PARP2: variants seen among roughly 807,000 people sequenced by gnomAD.
The protein encoded by PARP2 is poly [ADP-ribose] polymerase 2.
A neutral mutation model predicts 77.8 loss-of-function variants in PARP2; 57 were observed. The observed-to-expected ratio is 0.73, with a 90% confidence interval of 0.59 to 0.91. The LOEUF (loss-of-function observed/expected upper bound fraction) is 0.91, where lower values mean the gene tolerates loss of function less well. Ranked by LOEUF, PARP2 falls within the 40% of genes least tolerant of loss-of-function variation. The pLI is 0.00. For synonymous variants in PARP2, 226 were observed against 242.6 expected (o/e 0.93, Z 0.64); for missense variants, 651 against 689.0 (o/e 0.94, Z 0.62).
intron 4 of PARP2, among the ~76,000 whole-genome samples, chr14:20,347,559 G>A (rs537132352): frequency 1.7e-4 from 25 of 149,152 alleles, no homozygotes; most frequent in African/African-American, 6.2e-4. Context: ...GGGACTACAG[G>A]TGCAGTGTCT....
rs1441904625 is a variant in PARP2 at position 20,357,777 on chromosome 14, A to G, written c.1693A>G (p.Asn565Asp). Reference protein sequence around the residue: ...RMRYLLKVQFNFLQLW With the variant: ...RMRYLLKVQFDFLQLW ...GCGGTACCTTTTAAAGGTTCAGTTTAATTTCCTTCAGCTGTGGTGAATGTT... is the reference window on the plus strand; with the variant it reads ...GCGGTACCTTTTAAAGGTTCAGTTTGATTTCCTTCAGCTGTGGTGAATGTT... Residue 565 changes from asparagine to aspartate, a missense_variant, in exon 16 of 16, where the codon AAT becomes GAT. By Grantham distance (23) the Asn-to-Asp change is conservative. Transcript: ENST00000429687. 5.0e-6 allele frequency: 8 copies of G among 1,612,696 alleles called. No individual in the cohort carries two copies. Among genetic ancestry groups the G allele is most frequent in the Non-Finnish European group, 5.9e-6 (7 of 1,179,642 alleles).
chr14:20,349,887 T>C (rs752800013), intron 4 of PARP2, among the ~76,000 whole-genome samples: 2 of 152,176 alleles, frequency 1.3e-5, no homozygotes, highest in Non-Finnish European at 2.9e-5. Context: ...GACTTCTCTC[T>C]CTTCACTCTG....
intron 8 of PARP2, chr14:20,354,500 C>A (rs765181891): frequency 1.9e-6 from 1 of 528,760 alleles, no homozygotes; most frequent in Non-Finnish European, 3.3e-6. Flanking sequence ...AGTTTGAAAC[C>A]AGCCTGGGCA....
In PARP2 at chr14:20,354,277, C is replaced by G. The variant is rs139534508; in HGVS notation, c.763+30C>G. The G allele has an allele frequency of 1.7e-4, 261 of 1,554,598 alleles. 2 individuals carry two copies. In the East Asian group the frequency reaches 4.1e-3, roughly 24 times the overall value. On this transcript the variant is annotated intron_variant, in intron 8 of 15. Transcript: ENST00000429687. ...GACTTCACATTTTCTTCTGCATTCTCTCCTTATAATTCCTAGCTCCTTTAA... is the reference window on the plus strand; with the variant it reads ...GACTTCACATTTTCTTCTGCATTCTGTCCTTATAATTCCTAGCTCCTTTAA...
rs752494632 is a variant in PARP2, at chr14:20,343,712, G to C, written c.46+25G>C. On this transcript the variant is annotated intron_variant, in intron 1 of 15. Transcript: ENST00000429687. ...GGTTCGGAGCTCAATATCGCGGGAC[G>C]GCATGCGGGGGGCGGGCAGTCAGAA... 1.9e-6 allele frequency: 3 copies of C among 1,606,762 alleles called. No homozygotes were observed. The African/African-American group carries it at 4.0e-5, about 21-fold the overall frequency.
intron 5 of PARP2, 140 bp from the exon 6 acceptor site, chr14:20,350,907 C>T (rs1476682118): frequency 1.5e-6 from 1 of 662,984 alleles, no homozygotes; most frequent in Non-Finnish European, 2.7e-6. Flanking sequence ...TAACTTGTAT[C>T]AACATGATTA....
intron 4 of PARP2, among the ~76,000 whole-genome samples, chr14:20,349,187 A>G (rs1041930325): frequency 6.6e-6 from 1 of 151,776 alleles, no homozygotes; most frequent in African/African-American, 2.4e-5. Flanking sequence ...AAAAATACAA[A>G]AACACCGGGC....
At chr14:20,350,978 CAGAG>C (rs949479924) in intron 5 of PARP2, 65 bp from the exon 6 acceptor site, 67 of 1,181,450 alleles carry the variant, frequency 5.7e-5, no homozygotes, top group Non-Finnish European at 6.8e-5. Flanking sequence ...AGATGTTAAG[CAGAG>C]AGATCTTGGA....
rs1396879645 is a variant in PARP2, at chr14:20,355,116, T to TA, written c.902+170dup. On this transcript the variant is annotated intron_variant, in intron 9 of 15. Transcript: ENST00000429687. ...GTAGCCTATTTAATCAGCTTACAAA[T>TA]ATGGGATGCAATCTCCCGGCTTGAC... is the stretch of plus-strand genomic sequence containing the variant. 7 of 595,312 alleles carry TA rather than the reference T, an allele frequency of 1.2e-5. No individual in the cohort carries two copies. The African/African-American group carries it at 1.3e-4, about 11-fold the overall frequency. The allele number at this position is 595,312 out of a possible 1,614,324, so 36.9% of individuals were successfully genotyped here. A position where few individuals can be genotyped will look rare whatever the true frequency, so the allele number is the denominator to read the frequency against.
At position 20,352,296 on chromosome 14, in the gene PARP2, G is replaced by A; in HGVS notation, c.549G>A (p.Lys183=). 1 of 1,613,376 alleles carries A rather than the reference G, an allele frequency of 6.2e-7. No homozygotes were observed. The highest frequency in any genetic ancestry group is 8.5e-7 in the Non-Finnish European group (1 of 1,179,294). Residue 183 remains lysine, a synonymous_variant, in exon 7 of 16, where the codon AAG becomes AAA. Coordinates refer to ENST00000429687, the MANE Select transcript of PARP2 (RefSeq NM_001042618.2). ...NNWEDREKFE[K]VPGKYDMLQM... ...GGGAAGATCGAGAAAAGTTTGAGAA[G>A]GTGCCTGGAAAATATGATATGCTAC...
chr14:20,354,589 G>T (rs1884073510), intron 8 of PARP2: 1 of 555,804 alleles, frequency 1.8e-6, no homozygotes, highest in Admixed American at 3.5e-5. Flanking sequence ...CTAGCTACTT[G>T]CGAAGCTGAA....
chr14:20,351,376 G>A (rs775979435), intron 6 of PARP2, among the ~76,000 whole-genome samples: 7 of 151,950 alleles, frequency 4.6e-5, no homozygotes, highest in Admixed American at 1.3e-4. Flanking sequence ...ATGGGGTTTC[G>A]CCATGTTGGC....
rs755409276 is a variant in PARP2 at position 20,345,005 on chromosome 14, T to C, written c.120T>C (p.Arg40=). ...ACTCTTCCCCTGCCAAGAAAACTCG[T>C]AGATGCCAGAGACAGGAGTCGAAAA... ...PEDSSPAKKT[R]RCQRQESKKM... Residue 40 remains arginine (R), a synonymous_variant, in exon 2 of 16, where the codon CGT becomes CGC. Transcript: ENST00000429687. 1 of 1,613,912 alleles carries C rather than the reference T, an allele frequency of 6.2e-7. No individual in the cohort carries two copies. Among genetic ancestry groups the C allele is most frequent in the Admixed American group, 1.7e-5 (1 of 60,014 alleles).
chr14:20,355,957 C>G lies in PARP2; in HGVS notation c.1027C>G (p.His343Asp). 1 of 1,614,076 alleles carries G rather than the reference C, an allele frequency of 6.2e-7. No homozygotes were observed. Among genetic ancestry groups the G allele is most frequent in the Non-Finnish European group, 8.5e-7 (1 of 1,179,914 alleles). The change falls in exon 11 of 16, where the codon CAC becomes GAC. Residue 343 changes from histidine to aspartate, a missense_variant. Coordinates refer to ENST00000429687, the MANE Select transcript of PARP2 (RefSeq NM_001042618.2). The part of the protein sequence containing the change: ...LVKTELQSPE[H>D]PLDQHYRNLH... The stretch of plus-strand genomic sequence containing the variant: ...GAAAACAGAGCTACAAAGCCCAGAA[C>G]ACCCATTGGACCAACACTATAGAAA...
chr14:20,348,439 C>T (rs909744815), intron 4 of PARP2, among the ~76,000 whole-genome samples: 2 of 150,268 alleles, frequency 1.3e-5, no homozygotes, highest in Non-Finnish European at 3.0e-5. Context: ...TGCTATGTTG[C>T]TCAGGCTGGC....
chr14:20,347,390 ATATATAT>A (rs1258584507), intron 4 of PARP2, among the ~76,000 whole-genome samples: 2 of 15,170 alleles, frequency 1.3e-4, no homozygotes, highest in East Asian at 3.8e-3. Context: ...ATATATATAT[ATATATAT>A]ATTTTTTTTT....
At chr14:20,347,409 T>A (rs1355481447) in intron 4 of PARP2, among the ~76,000 whole-genome samples, 10 of 46,092 alleles carry the variant, frequency 2.2e-4, no homozygotes, top group African/African-American at 7.4e-4. Flanking sequence ...TTTTTTTTTT[T>A]TTTTTTTTTT....
intron 13 of PARP2, 72 bp downstream of exon 13, chr14:20,356,761 T>G (rs1046326806): frequency 8.4e-7 from 1 of 1,192,070 alleles, no homozygotes; most frequent in African/African-American, 1.5e-5. Context: ...CTTTTTTTCC[T>G]AGATTAGGAT....
intron 1 of PARP2, 32 bp from the exon 2 acceptor site, chr14:20,344,900 A>G: frequency 7.5e-7 from 1 of 1,332,024 alleles, no homozygotes; most frequent in South Asian, 1.2e-5. Context: ...TCGGGTGTGT[A>G]CTCATTCTTT....
Sources: allele counts gnomAD v4.1 joint callset (sites outside exome capture counted in the v4.1 genomes callset), GRCh38; gene constraint gnomAD v4.1.1; transcripts MANE v1.5; gene names NCBI Gene and HGNC (gene_info 2026-07-23, HGNC 2026-07-21).